PPFIA2: variants seen among roughly 807,000 people sequenced by gnomAD.
PPFIA2 encodes the protein PPFI scaffold protein A2, also known as liprin-alpha-2.
Under a neutral mutation model 175.5 loss-of-function variants are expected in PPFIA2, and 46 were observed. The observed-to-expected ratio is 0.26, with a 90% CI of 0.21 to 0.34. PPFIA2 has a LOEUF of 0.34. Ranked by LOEUF, PPFIA2 falls within the 10% of genes least tolerant of loss-of-function variation. The probability of loss-of-function intolerance (pLI) is 1.00; values close to 1 mark genes in which losing one functional copy is unlikely to be tolerated. For missense variants in PPFIA2, 1,179 were observed against 1,506.1 expected, an observed-to-expected ratio of 0.78 and a Z score of 3.60; for synonymous variants, 568 against 511.4, an observed-to-expected ratio of 1.11 and a Z score of -1.49.
intron 4 of PPFIA2, among the ~76,000 whole-genome samples, chr12:81,563,926 AGT>A (rs2070741570): frequency 6.6e-6 from 1 of 152,210 alleles, no homozygotes. Context: ...TTGCCATTGC[AGT>A]ATGGTATCAT....
chr12:81,701,636 G>C (rs1170182908), intron 3 of PPFIA2, among the ~76,000 whole-genome samples: 2 of 152,008 alleles, frequency 1.3e-5, no homozygotes, highest in African/African-American at 2.4e-5. Flanking sequence ...TAAATGGGTT[G>C]TGAAATTTAA....
intron 8 of PPFIA2, among the ~76,000 whole-genome samples, chr12:81,389,558 T>C (rs1404272306): frequency 1.3e-5 from 2 of 152,060 alleles, no homozygotes; most frequent in South Asian, 2.1e-4. Context: ...GCAGAAAATA[T>C]ATAATCTTTT....
At chr12:81,578,031 T>C (rs1309520539) in intron 4 of PPFIA2, among the ~76,000 whole-genome samples, 1 of 151,620 alleles carries the variant, frequency 6.6e-6, no homozygotes, top group Non-Finnish European at 1.5e-5. Flanking sequence ...ATTCTGTGAA[T>C]GAAAAAAGTG....
intron 4 of PPFIA2, among the ~76,000 whole-genome samples, chr12:81,491,255 C>A (rs1054983912): frequency 1.3e-5 from 2 of 150,876 alleles, no homozygotes; most frequent in Non-Finnish European, 3.0e-5. Flanking sequence ...AATTGCCAAT[C>A]CAGGTTTCTT....
intron 6 of PPFIA2, among the ~76,000 whole-genome samples, chr12:81,442,629 C>T (rs2050378552): frequency 6.6e-6 from 1 of 150,972 alleles, no homozygotes; most frequent in East Asian, 2.0e-4. Flanking sequence ...TTCAAAATTA[C>T]TGATGGTCTT....
chr12:81,533,619 G>A (rs1360704109), intron 4 of PPFIA2, among the ~76,000 whole-genome samples: 2 of 151,406 alleles, frequency 1.3e-5, no homozygotes, highest in African/African-American at 4.8e-5. Flanking sequence ...TTATGAATAT[G>A]TGAACAATGA....
intron 4 of PPFIA2, among the ~76,000 whole-genome samples, chr12:81,594,650 C>T (rs1430099918): frequency 1.3e-5 from 2 of 152,124 alleles, no homozygotes; most frequent in African/African-American, 4.8e-5. Context: ...TGGGGTGGCT[C>T]ACTCCTGTAA....
intron 5 of PPFIA2, among the ~76,000 whole-genome samples, chr12:81,455,884 G>C (rs927902790): frequency 3.3e-5 from 5 of 152,076 alleles, no homozygotes; most frequent in Non-Finnish European, 5.9e-5. Context: ...CCTTTTCTGA[G>C]CTCACTTACC....
intron 7 of PPFIA2, among the ~76,000 whole-genome samples, chr12:81,421,585 C>A (rs1263401879): frequency 2.0e-5 from 3 of 151,550 alleles, no homozygotes; most frequent in African/African-American, 4.8e-5. Flanking sequence ...CTACAAAAAA[C>A]CATCTAATTA....
chr12:81,359,398 A>G (rs1312777677), intron 15 of PPFIA2, among the ~76,000 whole-genome samples: 1 of 151,844 alleles, frequency 6.6e-6, no homozygotes, highest in East Asian at 1.9e-4. Flanking sequence ...GTAGCAATGT[A>G]TTTGAGACTT....
chr12:81,599,119 C>T (rs1265623706), intron 4 of PPFIA2, among the ~76,000 whole-genome samples: 1 of 151,836 alleles, frequency 6.6e-6, no homozygotes, highest in Non-Finnish European at 1.5e-5. Context: ...GATGACTTGA[C>T]AACTTTTAGA....
intron 22 of PPFIA2, among the ~76,000 whole-genome samples, chr12:81,318,408 G>A (rs2052901105): frequency 6.6e-6 from 1 of 151,646 alleles, no homozygotes; most frequent in Non-Finnish European, 1.5e-5. Flanking sequence ...TTTTTCTTAG[G>A]AGCTACAGGT....
intron 3 of PPFIA2, among the ~76,000 whole-genome samples, chr12:81,691,641 A>G (rs1016351700): frequency 2.4e-4 from 37 of 152,240 alleles, no homozygotes; most frequent in Non-Finnish European, 5.3e-4. Flanking sequence ...ATATTAAGTT[A>G]GTCATTCTTT....
chr12:81,462,504 G>A (rs967085117), intron 4 of PPFIA2, among the ~76,000 whole-genome samples: 72 of 142,722 alleles, frequency 5.0e-4, no homozygotes, highest in Non-Finnish European at 3.2e-4. Flanking sequence ...ATTGTATTCT[G>A]TTTCTTACCT....
At chr12:81,528,147 AT>A (rs5799535) in intron 4 of PPFIA2, among the ~76,000 whole-genome samples, 117,929 of 151,806 alleles carry the variant, frequency 0.78, 47,056 homozygotes, top group East Asian at 0.97. Context: ...GATATTCAGT[AT>A]TTTTTTGAAT....
At chr12:81,359,244 G>A (rs996872714) in intron 15 of PPFIA2, among the ~76,000 whole-genome samples, 2 of 151,898 alleles carry the variant, frequency 1.3e-5, no homozygotes, top group African/African-American at 4.8e-5. Context: ...CAAATATCTG[G>A]TAACATTAAA....
At chr12:81,440,514 A>G (rs946442591) in intron 6 of PPFIA2, among the ~76,000 whole-genome samples, 1 of 152,118 alleles carries the variant, frequency 6.6e-6, no homozygotes, top group African/African-American at 2.4e-5. Context: ...CCTGAAGGAA[A>G]GGCCTTTTAG....
intron 3 of PPFIA2, among the ~76,000 whole-genome samples, chr12:81,751,134 T>TA (rs879508558): frequency 6.5e-4 from 96 of 148,518 alleles, no homozygotes; most frequent in Admixed American, 2.2e-3. Context: ...ACACTTTCTT[T>TA]AAAAAAAAAA....
chr12:81,356,670 T>G (rs1473086228), intron 16 of PPFIA2, among the ~76,000 whole-genome samples: 1 of 149,616 alleles, frequency 6.7e-6, no homozygotes, highest in Non-Finnish European at 1.5e-5. Context: ...CTCAAAAAAA[T>G]AAAAAAAAAG....
Sources: gnomAD v4.1 joint callset for allele counts (sites outside exome capture counted in the v4.1 genomes callset) on GRCh38, gnomAD v4.1.1 for gene constraint, MANE v1.5 for transcripts, NCBI Gene and HGNC (gene_info 2026-07-23, HGNC 2026-07-21) for gene names.